The following SLC12A6 variants were observed in gnomAD, a reference collection of about 807,000 sequenced individuals.
The protein encoded by SLC12A6 is K-Cl cotransporter 3.
In SLC12A6, 66 loss-of-function variants were observed where a neutral mutation model predicts 135.3. The observed-to-expected ratio is 0.49, with a 90% CI of 0.40 to 0.60. The LOEUF (loss-of-function observed/expected upper bound fraction) is 0.60, where lower values mean the gene tolerates loss of function less well. Ranked by LOEUF, SLC12A6 falls within the 20% of genes least tolerant of loss-of-function variation. The pLI is 0.00. For synonymous variants in SLC12A6, 513 were observed against 508.8 expected, an observed-to-expected ratio of 1.01 and a Z score of -0.11; for missense variants, 1,058 against 1,452.3, an observed-to-expected ratio of 0.73 and a Z score of 4.41.
intron 2 of SLC12A6, among the ~76,000 whole-genome samples, chr15:34,330,887 CA>C (rs753313746): frequency 6.6e-6 from 1 of 151,850 alleles, no homozygotes; most frequent in Non-Finnish European, 1.5e-5. Flanking sequence ...ACTAAAAATA[CA>C]AAAATTAGCT....
intron 2 of SLC12A6, among the ~76,000 whole-genome samples, chr15:34,300,730 T>C (rs1200816000): frequency 6.7e-6 from 1 of 150,236 alleles, no homozygotes; most frequent in Non-Finnish European, 1.5e-5. Flanking sequence ...GAGACAGACA[T>C]TGCAGTGAGT....
chr15:34,256,579 C>T (rs1478383615), intron 6 of SLC12A6, among the ~76,000 whole-genome samples: 1 of 152,128 alleles, frequency 6.6e-6, no homozygotes, highest in Admixed American at 6.5e-5. Context: ...GCATAGTATA[C>T]TCAAAAGGAA....
intron 2 of SLC12A6, among the ~76,000 whole-genome samples, chr15:34,275,754 C>CA (rs1894255978): frequency 6.6e-6 from 1 of 152,038 alleles, no homozygotes; most frequent in Non-Finnish European, 1.5e-5. Context: ...TATACACATA[C>CA]AATGGAAAAT....
chr15:34,318,797 T>C (rs1184645328), intron 2 of SLC12A6: 1 of 1,563,170 alleles, frequency 6.4e-7, no homozygotes, highest in Non-Finnish European at 8.6e-7. Context: ...CAAGAGACAG[T>C]GGCTGGGATT....
chr15:34,318,005 T>A (rs1888770538), intron 2 of SLC12A6, among the ~76,000 whole-genome samples: 3 of 152,232 alleles, frequency 2.0e-5, no homozygotes, highest in Admixed American at 2.0e-4. Flanking sequence ...CCATCTCTTG[T>A]ACTTTTGTTC....
At chr15:34,242,249 T>C (rs1380428615) in intron 16 of SLC12A6, 28 bp from the exon 17 acceptor site, 3 of 1,544,382 alleles carry the variant, frequency 1.9e-6, no homozygotes, top group African/African-American at 2.7e-5. Context: ...AAAAAGTATC[T>C]TTTAAAGTAG....
At chr15:34,242,347 G>A (rs908774277) in intron 16 of SLC12A6, 126 bp from the exon 17 acceptor site, 8 of 687,936 alleles carry the variant, frequency 1.2e-5, no homozygotes, top group African/African-American at 9.1e-5. Flanking sequence ...ATTATAAATA[G>A]AACTTTTGTA....
intron 7 of SLC12A6, among the ~76,000 whole-genome samples, chr15:34,255,807 T>TAA (rs1310494471): frequency 0.016 from 2,349 of 148,294 alleles, 73 homozygotes; most frequent in African/African-American, 0.055. Flanking sequence ...GTCACCTCTG[T>TAA]AAAAAAAAAA....
Position 34,329,303 on chromosome 15 carries a change from G to C in SLC12A6, c.271+7107C>G, listed in dbSNP as rs1595583523. Reference sequence around the variant, plus strand: ...TTTGCACAAAGTTCTTAGTAGTCCAGAAGTATATGTTAGACACGAAGGGCA... The same window carrying C: ...TTTGCACAAAGTTCTTAGTAGTCCACAAGTATATGTTAGACACGAAGGGCA... On this transcript the variant is annotated intron_variant, in intron 2 of 25. Transcript: ENST00000354181. 2.0e-5 allele frequency among the ~76,000 whole-genome samples: 3 copies of C among 152,314 alleles called. No individual in the cohort carries two copies. The East Asian group carries it at 5.8e-4, about 29-fold the overall frequency.
At chr15:34,284,715 G>GA (rs1237427960) in intron 2 of SLC12A6, among the ~76,000 whole-genome samples, 2 of 151,962 alleles carry the variant, frequency 1.3e-5, no homozygotes, top group African/African-American at 2.4e-5. Context: ...TTTTAGTGGA[G>GA]AAAAAAACAA....
chr15:34,240,672 C>G lies in SLC12A6; in HGVS notation c.2425G>C (p.Ala809Pro), dbSNP rs544675253. 1.9e-6 allele frequency: 3 copies of G among 1,613,722 alleles called. No homozygotes were observed. The highest frequency in any genetic ancestry group is 4.5e-5 in the East Asian group (2 of 44,892). ...NFLENYGEAL[A>P]AEQTIKHLME... ...AGCCTGACTCTTACCTGCTCAGCAGCTAAAGCTTCACCGTAGTTCTCTAGG... is the reference window on the plus strand; with the variant it reads ...AGCCTGACTCTTACCTGCTCAGCAGGTAAAGCTTCACCGTAGTTCTCTAGG... The change falls in exon 19 of 26, where the codon GCT becomes CCT. Residue 809 changes from alanine to proline, a missense_variant. Coordinates refer to ENST00000354181, the MANE Select transcript of SLC12A6 (RefSeq NM_001365088.1).
At chr15:34,308,040 T>C (rs1196178764) in intron 2 of SLC12A6, among the ~76,000 whole-genome samples, 2 of 152,212 alleles carry the variant, frequency 1.3e-5, no homozygotes, top group Non-Finnish European at 2.9e-5. Flanking sequence ...TATTTTTCTC[T>C]AGAAAGAATT....
At chr15:34,269,204 C>T (rs1893738598) in intron 3 of SLC12A6, among the ~76,000 whole-genome samples, 2 of 152,088 alleles carry the variant, frequency 1.3e-5, no homozygotes, top group Admixed American at 1.3e-4. Context: ...ATAATGCTGA[C>T]ATTTTTGGGA....
chr15:34,336,902 G>T (rs954485908), intron 1 of SLC12A6, 150 bp from the exon 2 acceptor site: 1 of 587,730 alleles, frequency 1.7e-6, no homozygotes, highest in African/African-American at 1.9e-5. Context: ...TATTTTTTAA[G>T]AGAGAAAAAA....
At chr15:34,265,413 A>C (rs1420294330) in intron 3 of SLC12A6, among the ~76,000 whole-genome samples, 3 of 150,710 alleles carry the variant, frequency 2.0e-5, no homozygotes, top group Non-Finnish European at 4.4e-5. Flanking sequence ...AAAAAAAAAA[A>C]AACAAACAAA....
At chr15:34,323,934 T>A (rs1009368672) in intron 2 of SLC12A6, among the ~76,000 whole-genome samples, 1 of 104,202 alleles carries the variant, frequency 9.6e-6, no homozygotes, top group African/African-American at 4.1e-5. Context: ...GAGTGAGATC[T>A]TGTCTCAAAA....
In SLC12A6 at chr15:34,336,726, T is replaced by C; in HGVS notation, c.-46A>G. 1 of 1,544,296 alleles carries C rather than the reference T, an allele frequency of 6.5e-7. No homozygotes were observed. Among genetic ancestry groups the C allele is most frequent in the Non-Finnish European group, 9.0e-7 (1 of 1,116,380 alleles). ...AAAAAGTGGGGGGAACCTCGCAAAA[T>C]CTTCCTCTTACGCTAGCTACTTTTG... On this transcript the variant is annotated 5_prime_UTR_variant, in exon 2 of 26. Coordinates refer to ENST00000354181, the MANE Select transcript of SLC12A6 (RefSeq NM_001365088.1).
Position 34,229,893 on chromosome 15 carries a change from A to AAAAG in SLC12A6, c.*3984_*3987dup, listed in dbSNP as rs1355543331. The AAAAG allele has an allele frequency of 3.9e-6, 4 of 1,035,336 alleles. No homozygotes were observed. In the African/African-American group the frequency reaches 6.4e-5, roughly 16 times the overall value. The allele number at this position is 1,035,336 out of a possible 1,614,324, so 64.1% of individuals were successfully genotyped here. On this transcript the variant is annotated 3_prime_UTR_variant, in exon 26 of 26. Transcript: ENST00000354181. Reference sequence around the variant, plus strand: ...ACTCTTAAACTAATCACTTATGTTAAAAAGAACCAAAAGACTCTTTTCTCC... The same window carrying AAAAG: ...ACTCTTAAACTAATCACTTATGTTAAAAAGAAAGAACCAAAAGACTCTTTTCTCC...
chr15:34,242,099 C>T lies in SLC12A6; in HGVS notation c.2162+3G>A. 3 of 1,603,722 alleles carry T rather than the reference C, an allele frequency of 1.9e-6. No homozygotes were observed. The highest frequency in any genetic ancestry group is 2.6e-6 in the Non-Finnish European group (3 of 1,170,796). ...CAGTGATCAAGATTAAATCCACACT[C>T]ACCCTTGGTATTCAATGTACTTGTA... On this transcript the variant is annotated splice_donor_region_variant and intron_variant, in intron 17 of 25. Coordinates refer to ENST00000354181, the MANE Select transcript of SLC12A6 (RefSeq NM_001365088.1).
Sources: allele counts gnomAD v4.1 joint callset (sites outside exome capture counted in the v4.1 genomes callset), GRCh38; gene constraint gnomAD v4.1.1; transcripts MANE v1.5; gene names NCBI Gene and HGNC (gene_info 2026-07-23, HGNC 2026-07-21).